Variants in FSD2 observed in about 807,000 individuals in gnomAD.
The protein encoded by FSD2 is fibronectin type III and SPRY domain containing 2, also known as fibronectin type III and SPRY domain-containing protein 2.
In FSD2, 71 loss-of-function variants were observed where a neutral mutation model predicts 80.4. The ratio of observed to expected loss-of-function variants is 0.88; its 90% CI spans 0.73 to 1.08. FSD2 has a LOEUF of 1.08. Among genes scored for constraint, FSD2 ranks in the 50% least tolerant of loss-of-function variants. The pLI is 0.00. For synonymous variants in FSD2, 361 were observed against 329.5 expected (o/e 1.10, Z -1.03); for missense variants, 923 against 913.8 (o/e 1.01, Z -0.13).
At chr15:82,797,373 A>T (rs2050301121) in intron 1 of FSD2, among the ~76,000 whole-genome samples, 1 of 152,258 alleles carries the variant, frequency 6.6e-6, no homozygotes, top group South Asian at 2.1e-4. Flanking sequence ...TTACATCAAC[A>T]AAATGAAAAG....
At position 82,757,376 on chromosome 15, in the gene FSD2, G is replaced by A. The variant is rs1012641384; in HGVS notation, c.*1972C>T. 8.3e-5 allele frequency: 10 copies of A among 120,990 alleles called. No homozygotes were observed. Among genetic ancestry groups the A allele is most frequent in the African/African-American group, 3.4e-4 (10 of 29,626 alleles). The allele number at this position is 120,990 out of a possible 1,614,324, so 7.5% of individuals were successfully genotyped here. A position where few individuals can be genotyped will look rare whatever the true frequency, so the allele number is the denominator to read the frequency against. Reference sequence around the variant, plus strand: ...CTTTTTTTTTTTTTTTTTTTGAGATGGAGTCTTGATCTGTGAGCCATCTCG... The same window carrying A: ...CTTTTTTTTTTTTTTTTTTTGAGATAGAGTCTTGATCTGTGAGCCATCTCG... On this transcript the variant is annotated 3_prime_UTR_variant, in exon 13 of 13. Transcript: ENST00000334574.
chr15:82,798,429 T>C (rs1382651090), intron 1 of FSD2, among the ~76,000 whole-genome samples: 1 of 152,138 alleles, frequency 6.6e-6, no homozygotes, highest in Non-Finnish European at 1.5e-5. Context: ...TTCCCCAAAT[T>C]GTGCAGCCAT....
chr15:82,779,257 C>T (rs145452929), intron 5 of FSD2, among the ~76,000 whole-genome samples: 1 of 152,258 alleles, frequency 6.6e-6, no homozygotes, highest in Non-Finnish European at 1.5e-5. Context: ...GGTCCAGACT[C>T]CCCAGGCTTC....
At chr15:82,802,908 C>T (rs1392839655) in intron 1 of FSD2, among the ~76,000 whole-genome samples, 1 of 152,122 alleles carries the variant, frequency 6.6e-6, no homozygotes, top group African/African-American at 2.4e-5. Flanking sequence ...CTAACCTTAC[C>T]ACATGCATGG....
At chr15:82,804,022 G>C (rs911696930) in intron 1 of FSD2, among the ~76,000 whole-genome samples, 1 of 152,172 alleles carries the variant, frequency 6.6e-6, no homozygotes, top group Admixed American at 6.5e-5. Context: ...TAAGTCCTCA[G>C]TAAGTGTTAG....
rs1456244002 is a variant in FSD2 at position 82,786,882 on chromosome 15, T to C, written c.509A>G (p.Glu170Gly). 1 of 1,614,014 alleles carries C rather than the reference T, an allele frequency of 6.2e-7. No individual in the cohort carries two copies. The highest frequency in any genetic ancestry group is 8.5e-7 in the Non-Finnish European group (1 of 1,179,888). The change falls in exon 2 of 13, where the codon GAG becomes GGG. Residue 170 changes from glutamate (E) to glycine (G), a missense_variant. Coordinates refer to ENST00000334574, the MANE Select transcript of FSD2 (RefSeq NM_001007122.4). ...GACATCAGCAGCTTCTTCTTCATCCTCTTCCTCGGGGATGACATAGCATTC... is the reference window on the plus strand; with the variant it reads ...GACATCAGCAGCTTCTTCTTCATCCCCTTCCTCGGGGATGACATAGCATTC... ...EYECYVIPEE[E>G]DEEEAADVFC...
chr15:82,789,613 A>G (rs12907456), intron 1 of FSD2, among the ~76,000 whole-genome samples: 43,333 of 152,020 alleles, frequency 0.29, 6,224 homozygotes, highest in African/African-American at 0.33. Context: ...TGTGGCAGCT[A>G]TAAGACTGTG....
Position 82,755,948 on chromosome 15 carries a change from G to A in FSD2, c.*3400C>T, listed in dbSNP as rs1277353787. On this transcript the variant is annotated 3_prime_UTR_variant, in exon 13 of 13. Transcript: ENST00000334574. ...AGCTGGATTTGGTTATGTTCTTCTGGAGACTAAGAAAATAGAGTCCTTGAA... is the reference window on the plus strand; with the variant it reads ...AGCTGGATTTGGTTATGTTCTTCTGAAGACTAAGAAAATAGAGTCCTTGAA... 1 of 512,902 alleles carries A rather than the reference G, an allele frequency of 1.9e-6. No individual in the cohort carries two copies. The highest frequency in any genetic ancestry group is 1.9e-5 in the African/African-American group (1 of 51,722). 31.8% of individuals were successfully genotyped at this position (512,902 alleles called of 1,614,324 possible).
Position 82,791,046 on chromosome 15 carries a change from T to G in FSD2, c.-78-3578A>C, listed in dbSNP as rs550188693. ...CGGAGTCTCGCTTTGTCACCCAGGCTGGAGTGCAGTGGCGCGATCTTAGCT... is the reference window on the plus strand; with the variant it reads ...CGGAGTCTCGCTTTGTCACCCAGGCGGGAGTGCAGTGGCGCGATCTTAGCT... On this transcript the variant is annotated intron_variant, in intron 1 of 12. Coordinates refer to ENST00000334574, the MANE Select transcript of FSD2 (RefSeq NM_001007122.4). Among the ~76,000 whole-genome samples, 3 of 152,046 alleles carry G rather than the reference T, an allele frequency of 2.0e-5. 1 individual carries two copies. The South Asian group carries it at 6.2e-4, about 32-fold the overall frequency.
chr15:82,774,975 C>T lies in FSD2; in HGVS notation c.1112-2747G>A, dbSNP rs556382499. On this transcript the variant is annotated intron_variant, in intron 6 of 12. Coordinates refer to ENST00000334574, the MANE Select transcript of FSD2 (RefSeq NM_001007122.4). ...GACCTCATGATCCACCCACCTCAGC[C>T]GTCCAAAGTGCTGGGATTACAGGCG... is the stretch of plus-strand genomic sequence containing the variant. Among the ~76,000 whole-genome samples, 48 of 151,898 alleles carry T rather than the reference C, an allele frequency of 3.2e-4. No homozygotes were observed. In the South Asian group the frequency reaches 9.4e-3, roughly 30 times the overall value.
intron 1 of FSD2, among the ~76,000 whole-genome samples, chr15:82,793,918 C>T (rs2050203401): frequency 6.6e-6 from 1 of 151,802 alleles, no homozygotes; most frequent in African/African-American, 2.4e-5. Context: ...AGAGGTTTGT[C>T]AATTTTGCTG....
Position 82,756,196 on chromosome 15 carries a change from G to T in FSD2, c.*3152C>A. 1 of 287,060 alleles carries T rather than the reference G, an allele frequency of 3.5e-6. No individual in the cohort carries two copies. The highest frequency in any genetic ancestry group is 3.4e-5 in the South Asian group (1 of 29,396). 17.8% of individuals were successfully genotyped at this position (287,060 alleles called of 1,614,324 possible). On this transcript the variant is annotated 3_prime_UTR_variant, in exon 13 of 13. Transcript: ENST00000334574. The stretch of plus-strand genomic sequence containing the variant: ...CTACTAATTGATAGGAAGGTGACTA[G>T]AAATTGGCGAAGTTTTCTTGGTAAG...
chr15:82,795,610 ATT>A (rs2050246355), intron 1 of FSD2, among the ~76,000 whole-genome samples: 1 of 152,086 alleles, frequency 6.6e-6, no homozygotes, highest in Non-Finnish European at 1.5e-5. Flanking sequence ...TGGGCAGATC[ATT>A]TGAGCTCAGG....
chr15:82,786,639 A>T, intron 2 of FSD2, 33 bp from the exon 3 acceptor site: 1 of 1,602,780 alleles, frequency 6.2e-7, no homozygotes, highest in East Asian at 2.2e-5. Context: ...GAAGGTATTA[A>T]TGTTACATCT....
In FSD2 at chr15:82,772,232, G is replaced by A. The variant is rs762263757; in HGVS notation, c.1112-4C>T. The A allele has an allele frequency of 5.6e-6, 9 of 1,606,472 alleles. No homozygotes were observed. The East Asian group carries it at 2.0e-4, about 36-fold the overall frequency. ...TTTATGACTGGAGCAGAAGGAGCTAGGAAAAGAAAAGAAAAAAGAAGAGGA... is the reference window on the plus strand; with the variant it reads ...TTTATGACTGGAGCAGAAGGAGCTAAGAAAAGAAAAGAAAAAAGAAGAGGA... On this transcript the variant is annotated splice_polypyrimidine_tract_variant and splice_region_variant and intron_variant, in intron 6 of 12. Transcript: ENST00000334574.
At chr15:82,769,980 G>C in intron 7 of FSD2, 96 bp from the exon 8 acceptor site, 1 of 1,450,878 alleles carries the variant, frequency 6.9e-7, no homozygotes, top group African/African-American at 1.4e-5. Context: ...TACAAAACTG[G>C]CTATAAATTC....
chr15:82,766,180 G>GGCTAT, intron 9 of FSD2, 149 bp from the exon 10 acceptor site: 2 of 856,804 alleles, frequency 2.3e-6, no homozygotes, highest in Non-Finnish European at 3.4e-6. Flanking sequence ...CAGGAGTGCT[G>GGCTAT]GCTCCCCCTC....
chr15:82,783,115 T>A (rs770772201), intron 3 of FSD2, 90 bp from the exon 4 acceptor site: 2 of 963,120 alleles, frequency 2.1e-6, no homozygotes, highest in Non-Finnish European at 3.2e-6. Flanking sequence ...TTGTTTGTTT[T>A]TGAGACACAG....
rs768453167 is a variant in FSD2, at chr15:82,796,653, G to A, written c.-78-9185C>T. ...AATAGATGACTAGTTCATTGTCCCA[G>A]ACTAAAAATAAACTTTCCACCCAGC... On this transcript the variant is annotated intron_variant, in intron 1 of 12. Transcript: ENST00000334574. Among the ~76,000 whole-genome samples the A allele has an allele frequency of 6.6e-5, 10 of 152,194 alleles. 1 individual carries two copies. Among genetic ancestry groups the A allele is most frequent in the Admixed American group, 3.9e-4 (6 of 15,280 alleles).
Sources: allele counts gnomAD v4.1 joint callset (sites outside exome capture counted in the v4.1 genomes callset), GRCh38; gene constraint gnomAD v4.1.1; transcripts MANE v1.5; gene names NCBI Gene and HGNC (gene_info 2026-07-23, HGNC 2026-07-21).